Variants in PPARGC1A observed in about 807,000 individuals in gnomAD.
PPARGC1A encodes the protein peroxisome proliferator-activated receptor gamma coactivator 1-alpha.
In PPARGC1A, 25 loss-of-function variants were observed where a neutral mutation model predicts 88.7. The ratio of observed to expected loss-of-function variants is 0.28; its 90% confidence interval spans 0.21 to 0.39. The LOEUF (loss-of-function observed/expected upper bound fraction) is 0.39, where lower values mean the gene tolerates loss of function less well. Among genes scored for constraint, PPARGC1A ranks in the 10% least tolerant of loss-of-function variants. The pLI is 1.00. For missense variants in PPARGC1A, 880 were observed against 968.7 expected, an observed-to-expected ratio of 0.91 and a Z score of 1.22; for synonymous variants, 363 against 355.6, an observed-to-expected ratio of 1.02 and a Z score of -0.24.
the PPARGC1A span, among the ~76,000 whole-genome samples, chr4:24,094,971 C>T: frequency 1.3e-5 from 2 of 152,140 alleles, no homozygotes; most frequent in African/African-American, 2.4e-5. Context: ...CTTCTTAACA[C>T]CACACAAACT....
chr4:23,988,261 C>G, the PPARGC1A span, among the ~76,000 whole-genome samples: 1 of 151,966 alleles, frequency 6.6e-6, no homozygotes, highest in African/African-American at 2.4e-5. Context: ...GTGCATCTGT[C>G]TTTGTAGTAG....
the PPARGC1A span, among the ~76,000 whole-genome samples, chr4:23,917,573 T>G: frequency 6.6e-6 from 1 of 152,276 alleles, no homozygotes; most frequent in East Asian, 1.9e-4. Context: ...TCTGCCTGCC[T>G]CGGCTTCCCA....
chr4:23,992,262 CAGATAATATTATTACTAGTCTATACTAT>C, the PPARGC1A span, among the ~76,000 whole-genome samples: 1 of 40,756 alleles, frequency 2.5e-5, no homozygotes, highest in Non-Finnish European at 6.6e-5. Flanking sequence ...TGATTATTAT[CAGATAATATTATTACTAGTCTATACTAT>C]TATTATCAGA....
the PPARGC1A span, among the ~76,000 whole-genome samples, chr4:24,452,559 C>T: frequency 6.6e-6 from 1 of 152,208 alleles, no homozygotes; most frequent in East Asian, 1.9e-4. Context: ...CACACATTCA[C>T]CACTCTTTTC....
chr4:24,093,881 A>G, the PPARGC1A span, among the ~76,000 whole-genome samples: 5 of 152,256 alleles, frequency 3.3e-5, no homozygotes, highest in African/African-American at 1.2e-4. Flanking sequence ...AAGGGGAAGT[A>G]TGCGTTATAG....
the PPARGC1A span, among the ~76,000 whole-genome samples, chr4:24,142,975 T>C: frequency 6.6e-6 from 1 of 152,152 alleles, no homozygotes; most frequent in Non-Finnish European, 1.5e-5. Flanking sequence ...AAAATAATAG[T>C]GTGCTTAGTA....
chr4:24,158,465 A>G, the PPARGC1A span, among the ~76,000 whole-genome samples: 1 of 152,212 alleles, frequency 6.6e-6, no homozygotes. Context: ...TATTTGTTGA[A>G]TCTCTAAATG....
At chr4:24,446,857 C>T in the PPARGC1A span, among the ~76,000 whole-genome samples, 1,670 of 152,222 alleles carry the variant, frequency 0.011, 10 homozygotes, top group Non-Finnish European at 0.017. Context: ...GCCTCGGCCT[C>T]CAAAAGTGCT....
chr4:24,178,265 T>C, the PPARGC1A span, among the ~76,000 whole-genome samples: 2 of 152,328 alleles, frequency 1.3e-5, no homozygotes, highest in East Asian at 1.9e-4. Context: ...GGAAACAGCA[T>C]AGTACTTTTG....
At chr4:24,376,314 G>C in the PPARGC1A span, among the ~76,000 whole-genome samples, 7 of 152,096 alleles carry the variant, frequency 4.6e-5, no homozygotes, top group African/African-American at 1.7e-4. Flanking sequence ...ATGATACTTC[G>C]GCAATTCAGC....
the PPARGC1A span, among the ~76,000 whole-genome samples, chr4:24,350,935 G>T: frequency 1.3e-5 from 2 of 151,880 alleles, no homozygotes; most frequent in Admixed American, 1.3e-4. Context: ...TTAGAGACCA[G>T]CCTGGATAAC....
chr4:23,974,202 T>C, the PPARGC1A span, among the ~76,000 whole-genome samples: 1 of 152,076 alleles, frequency 6.6e-6, no homozygotes, highest in Non-Finnish European at 1.5e-5. Flanking sequence ...CTTAAGAATG[T>C]GTGTGTGTGG....
At chr4:24,110,842 AG>A in the PPARGC1A span, among the ~76,000 whole-genome samples, 3 of 152,206 alleles carry the variant, frequency 2.0e-5, no homozygotes, top group Non-Finnish European at 2.9e-5. Flanking sequence ...AAGCTGAAAA[AG>A]GCTCAGAAAT....
the PPARGC1A span, among the ~76,000 whole-genome samples, chr4:24,327,220 T>G: frequency 6.6e-6 from 1 of 152,294 alleles, no homozygotes; most frequent in East Asian, 1.9e-4. Flanking sequence ...TAGGCCCCAG[T>G]CTCATTCCAG....
chr4:24,128,531 AGTGTGTGTGTGTGTGTGTGTGT>A, the PPARGC1A span, among the ~76,000 whole-genome samples: 429 of 138,276 alleles, frequency 3.1e-3, 3 homozygotes, highest in East Asian at 0.027. Flanking sequence ...AGCCTGTCAC[AGTGTGTGTGTGTGTGTGTGTGT>A]GTGTGTGTGT....
the PPARGC1A span, among the ~76,000 whole-genome samples, chr4:24,151,700 T>C: frequency 6.6e-6 from 1 of 152,172 alleles, no homozygotes; most frequent in Non-Finnish European, 1.5e-5. Context: ...ATCCTACAGA[T>C]GGGGACAAAA....
chr4:23,924,608 C>T, the PPARGC1A span, among the ~76,000 whole-genome samples: 3 of 152,100 alleles, frequency 2.0e-5, no homozygotes, highest in Non-Finnish European at 4.4e-5. Flanking sequence ...GGTGACAGAG[C>T]GAGACTCCAT....
chr4:23,867,965 G>C (rs570387923), intron 2 of PPARGC1A, among the ~76,000 whole-genome samples: 1 of 152,170 alleles, frequency 6.6e-6, no homozygotes, highest in Non-Finnish European at 1.5e-5. Flanking sequence ...CAGGAAATAC[G>C]GGCACAGTGC....
At chr4:23,804,374 G>A (rs1479585008) in intron 10 of PPARGC1A, among the ~76,000 whole-genome samples, 1 of 152,100 alleles carries the variant, frequency 6.6e-6, no homozygotes, top group African/African-American at 2.4e-5. Context: ...AAATCTCTCT[G>A]TAATCTATTT....
Sources: gnomAD v4.1 joint callset for allele counts (sites outside exome capture counted in the v4.1 genomes callset) on GRCh38, gnomAD v4.1.1 for gene constraint, MANE v1.5 for transcripts, NCBI Gene and HGNC (gene_info 2026-07-23, HGNC 2026-07-21) for gene names.